GAP43: variants seen among roughly 807,000 people sequenced by gnomAD.
GAP43 encodes growth associated protein 43.
Under a neutral mutation model 18.6 loss-of-function variants are expected in GAP43, and 6 were observed. The observed-to-expected ratio is 0.32, with a 90% CI of 0.18 to 0.64. GAP43 has a LOEUF of 0.64. Ranked by LOEUF, GAP43 falls within the 30% of genes least tolerant of loss-of-function variation. The probability of loss-of-function intolerance (pLI) is 0.78; values close to 1 mark genes in which losing one functional copy is unlikely to be tolerated. For synonymous variants in GAP43, 115 were observed against 111.4 expected (o/e 1.03, Z -0.20); for missense variants, 292 against 295.5 (o/e 0.99, Z 0.09).
intron 1 of GAP43, among the ~76,000 whole-genome samples, chr3:115,671,988 C>T (rs1035663152): frequency 6.6e-6 from 1 of 152,162 alleles, no homozygotes; most frequent in Admixed American, 6.6e-5. Flanking sequence ...AGTATCCTTC[C>T]GTTCAGTAGC....
intron 2 of GAP43, among the ~76,000 whole-genome samples, chr3:115,680,827 A>C (rs904866256): frequency 2.6e-5 from 4 of 152,236 alleles, no homozygotes; most frequent in Non-Finnish European, 5.9e-5. Context: ...TGAATTTAAA[A>C]AATTATTTAT....
At chr3:115,689,684 C>A (rs537973170) in intron 2 of GAP43, among the ~76,000 whole-genome samples, 1 of 152,012 alleles carries the variant, frequency 6.6e-6, no homozygotes, top group Admixed American at 6.6e-5. Flanking sequence ...GGAAGGTGGG[C>A]CCTTAGGAGG....
At chr3:115,657,418 G>A (rs1576984612) in intron 1 of GAP43, among the ~76,000 whole-genome samples, 2 of 152,192 alleles carry the variant, frequency 1.3e-5, no homozygotes, top group African/African-American at 4.8e-5. Context: ...ATCAGTTTAT[G>A]GGGAGATGGG....
At chr3:115,693,965 C>T (rs1709150249) in intron 2 of GAP43, among the ~76,000 whole-genome samples, 2 of 152,302 alleles carry the variant, frequency 1.3e-5, no homozygotes, top group South Asian at 4.1e-4. Context: ...AATTATCAGC[C>T]TTCCAGGGCT....
rs568596993 is a variant in GAP43, at chr3:115,625,132, G to C, written c.30+1413G>C. Among the ~76,000 whole-genome samples the C allele has an allele frequency of 3.3e-5, 5 of 152,074 alleles. No individual in the cohort carries two copies. In the South Asian group the frequency reaches 1.0e-3, roughly 32 times the overall value. On this transcript the variant is annotated intron_variant, in intron 1 of 2. Coordinates refer to ENST00000305124, the MANE Select transcript of GAP43 (RefSeq NM_002045.4). ...CCCTGGAAGGAAGGGTGGGGAGTGA[G>C]GATGAAGGAGAAGGAGCAGGAAGAG...
intron 2 of GAP43, among the ~76,000 whole-genome samples, chr3:115,716,715 C>T (rs201942304): frequency 0.09 from 2,361 of 26,096 alleles, 602 homozygotes; most frequent in East Asian, 0.19. Context: ...TAATCTCAGA[C>T]AAATATATAT....
intron 2 of GAP43, among the ~76,000 whole-genome samples, chr3:115,678,196 C>T (rs982202966): frequency 4.4e-4 from 67 of 152,286 alleles, no homozygotes; most frequent in African/African-American, 1.5e-3. Context: ...GTTTGAGCCT[C>T]AGGTATGATG....
intron 2 of GAP43, among the ~76,000 whole-genome samples, chr3:115,705,432 T>G (rs1488125506): frequency 1.3e-5 from 2 of 152,198 alleles, no homozygotes; most frequent in East Asian, 1.9e-4. Context: ...TAAGGAATAT[T>G]AACTCATCAT....
At chr3:115,679,866 A>G (rs114624482) in intron 2 of GAP43, among the ~76,000 whole-genome samples, 86 of 152,198 alleles carry the variant, frequency 5.7e-4, no homozygotes, top group African/African-American at 2.0e-3. Flanking sequence ...GCTCTGAGTG[A>G]CTTTAAATGT....
At chr3:115,633,322 C>T (rs1708287146) in intron 1 of GAP43, among the ~76,000 whole-genome samples, 1 of 151,904 alleles carries the variant, frequency 6.6e-6, no homozygotes, top group African/African-American at 2.4e-5. Flanking sequence ...GCCACAGGGC[C>T]GATATCTCTG....
chr3:115,637,936 C>A (rs544297193), intron 1 of GAP43, among the ~76,000 whole-genome samples: 62 of 152,058 alleles, frequency 4.1e-4, no homozygotes, highest in African/African-American at 1.4e-3. Flanking sequence ...AATAAAAAAC[C>A]TTTTCATTCC....
chr3:115,684,219 CCT>C (rs1317037423), intron 2 of GAP43, among the ~76,000 whole-genome samples: 1 of 151,602 alleles, frequency 6.6e-6, no homozygotes, highest in Non-Finnish European at 1.5e-5. Flanking sequence ...TTTTTTTTCC[CCT>C]GTTTTATTTT....
chr3:115,652,944 G>T (rs989767433), intron 1 of GAP43, among the ~76,000 whole-genome samples: 1 of 152,124 alleles, frequency 6.6e-6, no homozygotes, highest in African/African-American at 2.4e-5. Context: ...AACTGAATGT[G>T]TTCTGCTATT....
chr3:115,694,498 TACAGATA>T (rs1282284956), intron 2 of GAP43, among the ~76,000 whole-genome samples: 1 of 152,212 alleles, frequency 6.6e-6, no homozygotes, highest in South Asian at 2.1e-4. Flanking sequence ...ATGATCAAAA[TACAGATA>T]ACATTTACTT....
At chr3:115,651,909 T>C (rs1257592445) in intron 1 of GAP43, among the ~76,000 whole-genome samples, 2 of 152,196 alleles carry the variant, frequency 1.3e-5, no homozygotes, top group African/African-American at 4.8e-5. Context: ...TCTCCTCCTC[T>C]AAGCTGGTTT....
intron 1 of GAP43, among the ~76,000 whole-genome samples, chr3:115,641,025 GT>G (rs755356206): frequency 0.033 from 1,635 of 48,976 alleles, 35 homozygotes; most frequent in African/African-American, 0.092. Context: ...GCTTTATTCT[GT>G]TTTTTTTTTT....
intron 1 of GAP43, chr3:115,663,870 G>C (rs867144356): frequency 1.9e-6 from 3 of 1,551,954 alleles, no homozygotes; most frequent in African/African-American, 1.4e-5. Flanking sequence ...AGAGCAGTTC[G>C]ACCTAGTCCT....
intron 1 of GAP43, among the ~76,000 whole-genome samples, chr3:115,645,717 C>T (rs147054242): frequency 1.3e-5 from 2 of 151,964 alleles, no homozygotes; most frequent in African/African-American, 4.8e-5. Context: ...TGTTTGCATA[C>T]ACAAATCAAG....
chr3:115,646,723 G>A (rs1708461816), intron 1 of GAP43, among the ~76,000 whole-genome samples: 1 of 151,940 alleles, frequency 6.6e-6, no homozygotes, highest in Non-Finnish European at 1.5e-5. Context: ...TTCTTATGGA[G>A]AAGACATAAT....
Sources: allele counts gnomAD v4.1 joint callset (sites outside exome capture counted in the v4.1 genomes callset), GRCh38; gene constraint gnomAD v4.1.1; transcripts MANE v1.5; gene names NCBI Gene and HGNC (gene_info 2026-07-23, HGNC 2026-07-21).